KLHL6: variants seen among roughly 807,000 people sequenced by gnomAD.
The protein encoded by KLHL6 is kelch like family member 6.
In KLHL6, 41 loss-of-function variants were observed where a neutral mutation model predicts 58.6. The observed-to-expected ratio is 0.70, with a 90% confidence interval of 0.55 to 0.91. The LOEUF is 0.91. Ranked by LOEUF, KLHL6 falls within the 40% of genes least tolerant of loss-of-function variation. The pLI, the probability that KLHL6 is intolerant of heterozygous loss-of-function variation, is 0.00. For synonymous variants in KLHL6, 338 were observed against 322.7 expected, an observed-to-expected ratio of 1.05 and a Z score of -0.51; for missense variants, 714 against 805.6, an observed-to-expected ratio of 0.89 and a Z score of 1.38.
At chr3:183,525,269 A>AACACACAC (rs1553811030) in intron 2 of KLHL6, among the ~76,000 whole-genome samples, 1 of 133,794 alleles carries the variant, frequency 7.5e-6, no homozygotes, top group Non-Finnish European at 1.6e-5. Flanking sequence ...CTAAAAAAAA[A>AACACACAC]ACACACACAC....
chr3:183,502,596 T>A (rs772889282), intron 3 of KLHL6, among the ~76,000 whole-genome samples: 14 of 152,144 alleles, frequency 9.2e-5, no homozygotes, highest in Non-Finnish European at 1.9e-4. Flanking sequence ...GGAGGTCAGC[T>A]GATATAGAGA....
In KLHL6 at chr3:183,488,043, A is replaced by G. The variant is rs1158287938; in HGVS notation, c.*3884T>C. On this transcript the variant is annotated 3_prime_UTR_variant, in exon 7 of 7. Coordinates refer to ENST00000341319, the MANE Select transcript of KLHL6 (RefSeq NM_130446.4). ...GATATTTGTATTTCCCTGAGAGCGT[A>G]GTTTGCTTTGAGTTCAAGGGCATGG... 1 of 152,244 alleles carries G rather than the reference A, an allele frequency of 6.6e-6. No homozygotes were observed. Among genetic ancestry groups the G allele is most frequent in the African/African-American group, 2.4e-5 (1 of 41,464 alleles). 9.4% of individuals were successfully genotyped at this position (152,244 alleles called of 1,614,324 possible).
At chr3:183,523,985 T>C (rs545133563) in intron 2 of KLHL6, among the ~76,000 whole-genome samples, 48 of 152,230 alleles carry the variant, frequency 3.2e-4, no homozygotes, top group Non-Finnish European at 3.4e-4. Context: ...GGTCTGGAAC[T>C]CCTGACATCA....
Position 183,499,545 on chromosome 3 carries a change from T to C in KLHL6, c.1147+45A>G. 3 of 1,321,018 alleles carry C rather than the reference T, an allele frequency of 2.3e-6. No homozygotes were observed. The highest frequency in any genetic ancestry group is 2.8e-5 in the South Asian group (2 of 72,486). The allele number at this position is 1,321,018 out of a possible 1,614,324, so 81.8% of individuals were successfully genotyped here. A position where few individuals can be genotyped will look rare whatever the true frequency, so the allele number is the denominator to read the frequency against. On this transcript the variant is annotated intron_variant, in intron 4 of 6. Transcript: ENST00000341319. This position sits in a 1 kb window ranked among gnomAD's most constrained non-coding sequence, Gnocchi z 4.6. ...CCTGGCTGCCACTCAGGAATATATG[T>C]AGTGCTACTGGAGCTTGCTTTGCCT...
chr3:183,524,399 A>G (rs1226591364), intron 2 of KLHL6, among the ~76,000 whole-genome samples: 1 of 152,202 alleles, frequency 6.6e-6, no homozygotes, highest in Non-Finnish European at 1.5e-5. Flanking sequence ...TAGTTGGGGA[A>G]AATGTGTTTC....
chr3:183,509,599 G>A (rs956821312), intron 2 of KLHL6, among the ~76,000 whole-genome samples: 4 of 152,198 alleles, frequency 2.6e-5, no homozygotes, highest in Admixed American at 2.6e-4. Context: ...TCTTCACGGG[G>A]CTCTTCATTC....
chr3:183,511,781 A>C (rs1382219358), intron 2 of KLHL6, among the ~76,000 whole-genome samples: 2 of 152,158 alleles, frequency 1.3e-5, no homozygotes, highest in Non-Finnish European at 2.9e-5. Flanking sequence ...TTGTGAGCTT[A>C]AGGTTGGGGC....
rs1343624711 is a variant in KLHL6 at position 183,508,127 on chromosome 3, T to C, written c.841A>G (p.Ile281Val). Residue 281 changes from isoleucine (I) to valine (V), a missense_variant, in exon 3 of 7, where the codon ATC becomes GTC. Coordinates refer to ENST00000341319, the MANE Select transcript of KLHL6 (RefSeq NM_130446.4). ...GGGAAGACCTCTGGGCACTGCCTGATGAGAGGATCTGCTTCCACCGTCTCC... is the reference window on the plus strand; with the variant it reads ...GGGAAGACCTCTGGGCACTGCCTGACGAGAGGATCTGCTTCCACCGTCTCC... ...FVETVEADPL[I>V]RQCPEVFPLL... 1.2e-6 allele frequency: 2 copies of C among 1,614,170 alleles called. No homozygotes were observed. Among genetic ancestry groups the C allele is most frequent in the Non-Finnish European group, 1.7e-6 (2 of 1,180,028 alleles).
At chr3:183,501,050 G>A (rs1717853660) in intron 3 of KLHL6, among the ~76,000 whole-genome samples, 2 of 152,176 alleles carry the variant, frequency 1.3e-5, no homozygotes, top group East Asian at 1.9e-4. Flanking sequence ...CGCATCCTCC[G>A]TTCTTGAGGC....
At chr3:183,498,070 C>T (rs1168989143) in intron 4 of KLHL6, among the ~76,000 whole-genome samples, 4 of 151,952 alleles carry the variant, frequency 2.6e-5, no homozygotes, top group Non-Finnish European at 5.9e-5. Context: ...CCCATCTGCA[C>T]TAAAAATACA....
At chr3:183,554,736 A>C (rs980912222) in intron 1 of KLHL6, among the ~76,000 whole-genome samples, 1 of 152,256 alleles carries the variant, frequency 6.6e-6, no homozygotes, top group Admixed American at 6.5e-5. Flanking sequence ...CCAAGGGGGA[A>C]AAAAGTCCCC....
At chr3:183,525,265 AAAAAAC>A (rs1390672249) in intron 2 of KLHL6, among the ~76,000 whole-genome samples, 2 of 52,598 alleles carry the variant, frequency 3.8e-5, no homozygotes, top group African/African-American at 5.5e-5. Context: ...CTCTCTAAAA[AAAAAAC>A]ACACACACAC....
At chr3:183,547,767 A>C (rs994320380) in intron 1 of KLHL6, among the ~76,000 whole-genome samples, 2 of 152,170 alleles carry the variant, frequency 1.3e-5, no homozygotes. Flanking sequence ...AATATCAAGT[A>C]GATAGCATGG....
At chr3:183,517,450 C>G (rs1711603910) in intron 2 of KLHL6, among the ~76,000 whole-genome samples, 1 of 152,228 alleles carries the variant, frequency 6.6e-6, no homozygotes, top group South Asian at 2.1e-4. Flanking sequence ...TCTCTGCTCC[C>G]TCTAGCCACT....
At chr3:183,552,717 CAAAAAAAAAA>C (rs1169148282) in intron 1 of KLHL6, among the ~76,000 whole-genome samples, 6 of 47,604 alleles carry the variant, frequency 1.3e-4, no homozygotes, top group Non-Finnish European at 2.2e-4. Context: ...GACTCCGTCT[CAAAAAAAAAA>C]AAAAAAAAAA....
rs1713058284 is a variant in KLHL6, at chr3:183,555,027, T to C, written c.293+334A>G. Among the ~76,000 whole-genome samples the C allele has an allele frequency of 2.6e-5, 4 of 152,112 alleles. No individual in the cohort carries two copies. In the South Asian group the frequency reaches 8.3e-4, roughly 32 times the overall value. On this transcript the variant is annotated intron_variant, in intron 1 of 6. Coordinates refer to ENST00000341319, the MANE Select transcript of KLHL6 (RefSeq NM_130446.4). ...TGAAAATACAAAATTATCCGGGTGT[T>C]GTGGTGCATGCCTGCAAATCCCAGC...
Position 183,508,748 on chromosome 3 carries a change from G to C in KLHL6, c.460-240C>G, listed in dbSNP as rs150141201. Among the ~76,000 whole-genome samples, 36 of 152,234 alleles carry C rather than the reference G, an allele frequency of 2.4e-4. No individual in the cohort carries two copies. In the East Asian group the frequency reaches 4.6e-3, roughly 20 times the overall value. On this transcript the variant is annotated intron_variant, in intron 2 of 6. Transcript: ENST00000341319. ...CGACAAAACAATGAGATACTTACGG[G>C]AGGAGCTAAATACATATAATTCATT... is the stretch of plus-strand genomic sequence containing the variant.
chr3:183,539,698 G>C (rs1712487285), intron 1 of KLHL6, among the ~76,000 whole-genome samples: 1 of 146,796 alleles, frequency 6.8e-6, no homozygotes, highest in Non-Finnish European at 1.5e-5. Context: ...GACAGTGTGA[G>C]ACTCCATCTC....
At chr3:183,500,645 T>C (rs1717843267) in intron 3 of KLHL6, among the ~76,000 whole-genome samples, 1 of 152,138 alleles carries the variant, frequency 6.6e-6, no homozygotes, top group Non-Finnish European at 1.5e-5. Context: ...CCTCAACAGC[T>C]AATTATGCCT....
Sources: allele counts gnomAD v4.1 joint callset (sites outside exome capture counted in the v4.1 genomes callset), GRCh38; gene constraint gnomAD v4.1.1; non-coding constraint Gnocchi (gnomAD v3.1); transcripts MANE v1.5; gene names NCBI Gene and HGNC (gene_info 2026-07-23, HGNC 2026-07-21).